PAK5: variants seen among roughly 807,000 people sequenced by gnomAD.
The protein encoded by PAK5 is p21 (RAC1) activated kinase 5, also known as serine/threonine-protein kinase PAK 5.
A neutral mutation model predicts 65.9 loss-of-function variants in PAK5; 16 were observed. The ratio of observed to expected loss-of-function variants is 0.24; its 90% CI spans 0.16 to 0.37. The LOEUF (loss-of-function observed/expected upper bound fraction) is 0.37. PAK5 is among the 10% of genes least tolerant of loss of function. PAK5 has a pLI of 1.00. For missense variants in PAK5, 785 were observed against 903.9 expected (o/e 0.87, Z 1.69); for synonymous variants, 371 against 354.9 (o/e 1.05, Z -0.51).
chr20:9,797,455 T>C (rs2049117330), intron 1 of PAK5, among the ~76,000 whole-genome samples: 2 of 140,082 alleles, frequency 1.4e-5, no homozygotes, highest in African/African-American at 5.4e-5. Context: ...ATGAGGACAC[T>C]TGGACACAGG....
chr20:9,600,384 AACACTGTTG>A (rs1213401475), intron 3 of PAK5, among the ~76,000 whole-genome samples: 5 of 152,320 alleles, frequency 3.3e-5, no homozygotes, highest in African/African-American at 1.2e-4. Context: ...TTCTGTAAAA[AACACTGTTG>A]ACATTTAGAT....
chr20:9,804,222 A>G (rs6039591), intron 1 of PAK5, among the ~76,000 whole-genome samples: 13,591 of 152,182 alleles, frequency 0.089, 1,100 homozygotes, highest in African/African-American at 0.2. Context: ...GTTTCTCAAC[A>G]TTGACCCCAG....
chr20:9,587,129 C>T (rs144311009), intron 3 of PAK5, among the ~76,000 whole-genome samples: 47 of 152,038 alleles, frequency 3.1e-4, no homozygotes, highest in African/African-American at 9.4e-4. Flanking sequence ...TAACTATTGG[C>T]CAGGGCGGGG....
chr20:9,667,650 A>C (rs2047438022), intron 2 of PAK5, among the ~76,000 whole-genome samples: 1 of 152,194 alleles, frequency 6.6e-6, no homozygotes, highest in East Asian at 1.9e-4. Context: ...CCAAATGTTG[A>C]TCAAACTCCT....
chr20:9,812,631 A>G (rs1275463855), intron 1 of PAK5, among the ~76,000 whole-genome samples: 9 of 152,174 alleles, frequency 5.9e-5, no homozygotes, highest in Non-Finnish European at 1.2e-4. Context: ...TCATACATAA[A>G]TGTCCATAGT....
chr20:9,584,982 T>A (rs977739071), intron 3 of PAK5, among the ~76,000 whole-genome samples: 13 of 141,086 alleles, frequency 9.2e-5, no homozygotes, highest in African/African-American at 3.4e-4. Context: ...CACCAAGGTC[T>A]TAAAGGGCCC....
At chr20:9,827,760 T>C (rs1418246146) in intron 1 of PAK5, among the ~76,000 whole-genome samples, 2 of 152,054 alleles carry the variant, frequency 1.3e-5, no homozygotes, top group Non-Finnish European at 2.9e-5. Context: ...AATTGAGAGA[T>C]GCAAAGGGGA....
At chr20:9,613,478 AG>A (rs1282922540) in intron 3 of PAK5, among the ~76,000 whole-genome samples, 3 of 152,182 alleles carry the variant, frequency 2.0e-5, no homozygotes, top group Non-Finnish European at 4.4e-5. Flanking sequence ...GCCCAATCTG[AG>A]GGGGCACCCA....
At chr20:9,585,332 C>T (rs1452711971) in intron 3 of PAK5, among the ~76,000 whole-genome samples, 1 of 152,138 alleles carries the variant, frequency 6.6e-6, no homozygotes, top group Admixed American at 6.5e-5. Context: ...CTGGAGTTGA[C>T]TTTGCCAACA....
chr20:9,544,591 C>T, intron 7 of PAK5, 97 bp from the exon 8 acceptor site: 1 of 1,152,426 alleles, frequency 8.7e-7, no homozygotes, highest in Non-Finnish European at 1.3e-6. Context: ...TAAAACAAAA[C>T]AGTCTCATCA....
At chr20:9,774,965 C>T (rs2048872311) in intron 1 of PAK5, among the ~76,000 whole-genome samples, 1 of 151,906 alleles carries the variant, frequency 6.6e-6, no homozygotes, top group African/African-American at 2.4e-5. Flanking sequence ...AAAAAACAAA[C>T]GAACGAACAA....
chr20:9,792,810 T>C (rs2049063613), intron 1 of PAK5, among the ~76,000 whole-genome samples: 1 of 152,132 alleles, frequency 6.6e-6, no homozygotes, highest in Admixed American at 6.6e-5. Flanking sequence ...GAGATATATT[T>C]AACCTCGGAT....
chr20:9,647,249 G>A (rs756393054), intron 2 of PAK5, among the ~76,000 whole-genome samples: 1 of 152,178 alleles, frequency 6.6e-6, no homozygotes, highest in Non-Finnish European at 1.5e-5. Flanking sequence ...TTCAGTGGCA[G>A]GAAATTACAC....
chr20:9,552,000 T>G (rs2045435861), intron 7 of PAK5, among the ~76,000 whole-genome samples: 1 of 152,242 alleles, frequency 6.6e-6, no homozygotes, highest in South Asian at 2.1e-4. Flanking sequence ...CAGGAAGATC[T>G]GGGCAGGGCA....
intron 1 of PAK5, among the ~76,000 whole-genome samples, chr20:9,812,233 C>T (rs972822007): frequency 3.3e-5 from 5 of 151,568 alleles, no homozygotes; most frequent in Admixed American, 3.3e-4. Flanking sequence ...AATAACATAC[C>T]TTAAAAAGGC....
At chr20:9,655,869 T>C (rs1420667995) in intron 2 of PAK5, among the ~76,000 whole-genome samples, 2 of 152,202 alleles carry the variant, frequency 1.3e-5, no homozygotes, top group Non-Finnish European at 2.9e-5. Context: ...GGCTTGTAGA[T>C]GACTTCTTCC....
At chr20:9,696,937 A>T (rs949264327) in intron 2 of PAK5, among the ~76,000 whole-genome samples, 3 of 152,080 alleles carry the variant, frequency 2.0e-5, no homozygotes, top group Admixed American at 2.0e-4. Context: ...GTAAGTTCTC[A>T]ATAAACATTT....
At chr20:9,623,676 G>A (rs181153481) in intron 3 of PAK5, among the ~76,000 whole-genome samples, 62 of 152,248 alleles carry the variant, frequency 4.1e-4, no homozygotes, top group African/African-American at 1.5e-3. Context: ...TATAAGACAA[G>A]GGGGCATTTA....
At chr20:9,563,497 A>G (rs2045624652) in intron 5 of PAK5, among the ~76,000 whole-genome samples, 1 of 152,184 alleles carries the variant, frequency 6.6e-6, no homozygotes, top group South Asian at 2.1e-4. Flanking sequence ...CACAAGACCA[A>G]CTTAACTTCT....
Sources: gnomAD v4.1 joint callset for allele counts (sites outside exome capture counted in the v4.1 genomes callset) on GRCh38, gnomAD v4.1.1 for gene constraint, MANE v1.5 for transcripts, NCBI Gene and HGNC (gene_info 2026-07-23, HGNC 2026-07-21) for gene names.